Variants in SYN3 observed in about 807,000 individuals in gnomAD.
SYN3 encodes the protein synapsin-3.
A neutral mutation model predicts 65.8 loss-of-function variants in SYN3; 35 were observed. The ratio of observed to expected loss-of-function variants is 0.53; its 90% confidence interval spans 0.41 to 0.70. The LOEUF is 0.70. Among genes scored for constraint, SYN3 ranks in the 30% least tolerant of loss-of-function variants. The probability of loss-of-function intolerance (pLI) is 0.00; values close to 1 mark genes in which losing one functional copy is unlikely to be tolerated. For synonymous variants in SYN3, 270 were observed against 292.9 expected (o/e 0.92, Z 0.80); for missense variants, 680 against 749.0 (o/e 0.91, Z 1.08).
At chr22:32,629,255 A>G (rs2157168) in intron 6 of SYN3, among the ~76,000 whole-genome samples, 54,926 of 152,016 alleles carry the variant, frequency 0.36, 10,563 homozygotes, top group African/African-American at 0.48. Flanking sequence ...GCATAAATAT[A>G]CTAGGAGATT....
At chr22:32,788,060 T>A (rs527317469) in intron 6 of SYN3, among the ~76,000 whole-genome samples, 32 of 152,266 alleles carry the variant, frequency 2.1e-4, no homozygotes, top group African/African-American at 7.7e-4. Context: ...AGACTTCAAG[T>A]GCATTAGGGA....
intron 6 of SYN3, among the ~76,000 whole-genome samples, chr22:32,816,970 C>T (rs1425074018): frequency 6.6e-6 from 1 of 152,060 alleles, no homozygotes; most frequent in Admixed American, 6.5e-5. Flanking sequence ...CATATAACCC[C>T]ACCTTGGGAG....
chr22:32,963,553 T>TA (rs2051728135), intron 3 of SYN3, among the ~76,000 whole-genome samples: 2 of 152,252 alleles, frequency 1.3e-5, no homozygotes, highest in South Asian at 4.1e-4. Flanking sequence ...GTCAGATGCA[T>TA]AGATATTCAT....
intron 2 of SYN3, among the ~76,000 whole-genome samples, chr22:32,995,821 C>T (rs909717950): frequency 6.7e-6 from 1 of 149,728 alleles, no homozygotes; most frequent in Non-Finnish European, 1.5e-5. Context: ...CGCCACCACG[C>T]TCAGTTAATT....
chr22:32,817,812 A>C (rs1402178749), intron 6 of SYN3, among the ~76,000 whole-genome samples: 1 of 152,188 alleles, frequency 6.6e-6, no homozygotes, highest in Non-Finnish European at 1.5e-5. Flanking sequence ...TTGAAGGTCC[A>C]TGGGGCAGGC....
intron 3 of SYN3, among the ~76,000 whole-genome samples, chr22:32,950,264 C>G (rs950029564): frequency 6.6e-6 from 1 of 152,110 alleles, no homozygotes; most frequent in Non-Finnish European, 1.5e-5. Flanking sequence ...AACTTCAGAC[C>G]CCGTGGTCTG....
At chr22:32,695,242 A>G (rs971738830) in intron 6 of SYN3, among the ~76,000 whole-genome samples, 4 of 151,884 alleles carry the variant, frequency 2.6e-5, no homozygotes, top group Admixed American at 1.3e-4. Flanking sequence ...CTTTTCTTTC[A>G]TTAAAAAACT....
chr22:33,016,870 G>T (rs970497165), intron 1 of SYN3, among the ~76,000 whole-genome samples: 3 of 151,204 alleles, frequency 2.0e-5, no homozygotes, highest in African/African-American at 7.3e-5. Flanking sequence ...TTTATTCATT[G>T]CTTCTTTGCT....
chr22:32,827,664 A>G (rs553025609), intron 6 of SYN3, among the ~76,000 whole-genome samples: 1 of 152,322 alleles, frequency 6.6e-6, no homozygotes, highest in South Asian at 2.1e-4. Flanking sequence ...AAAAAATGTC[A>G]GTCACATCTC....
At chr22:32,937,919 A>T (rs996106665) in intron 3 of SYN3, among the ~76,000 whole-genome samples, 1 of 152,232 alleles carries the variant, frequency 6.6e-6, no homozygotes, top group African/African-American at 2.4e-5. Flanking sequence ...ATATATGAGT[A>T]ATTAAAGTCT....
chr22:32,600,553 G>A (rs1163999963), intron 6 of SYN3, among the ~76,000 whole-genome samples: 1 of 152,224 alleles, frequency 6.6e-6, no homozygotes, highest in East Asian at 1.9e-4. Context: ...TGGGTGGATG[G>A]ATAGAAGGCA....
Position 33,024,913 on chromosome 22 carries a change from G to A in SYN3, c.-162-18089C>T, listed in dbSNP as rs142439540. Among the ~76,000 whole-genome samples, 192 of 152,312 alleles carry A rather than the reference G, an allele frequency of 1.3e-3. 1 individual carries two copies. The highest frequency in any genetic ancestry group is 4.3e-3 in the African/African-American group (180 of 41,578). On this transcript the variant is annotated intron_variant, in intron 1 of 13. Coordinates refer to ENST00000358763, the MANE Select transcript of SYN3 (RefSeq NM_003490.4). ...AATTACTGCAGTCCTAAAGAATGTCGAGTGATTTATCAAAGCAGGAGATGC... is the reference window on the plus strand; with the variant it reads ...AATTACTGCAGTCCTAAAGAATGTCAAGTGATTTATCAAAGCAGGAGATGC...
In SYN3 at chr22:32,692,993, G is replaced by C. The variant is rs887235109; in HGVS notation, c.712-96257C>G. On this transcript the variant is annotated intron_variant, in intron 6 of 13. Transcript: ENST00000358763. ...AAATAAGCATACATAAGGACGGCTG[G>C]ATGTGCAGTAGCCCCCTTATCTGAG... Among the ~76,000 whole-genome samples, 11 of 152,224 alleles carry C rather than the reference G, an allele frequency of 7.2e-5. No homozygotes were observed. In the South Asian group the frequency reaches 1.5e-3, roughly 20 times the overall value.
chr22:32,533,676 C>T (rs911356958), intron 10 of SYN3, 117 bp downstream of exon 10: 20 of 656,600 alleles, frequency 3.0e-5, no homozygotes, highest in African/African-American at 1.1e-4. Flanking sequence ...GCCTGGGTTG[C>T]GTGTGCCCTG....
chr22:32,733,159 A>T (rs547723575), intron 6 of SYN3, among the ~76,000 whole-genome samples: 1 of 152,348 alleles, frequency 6.6e-6, no homozygotes, highest in Middle Eastern at 3.4e-3. Flanking sequence ...AGAGGCTCCC[A>T]GATTTTCAAC....
At chr22:32,948,783 T>G (rs968678985) in intron 3 of SYN3, among the ~76,000 whole-genome samples, 1 of 151,834 alleles carries the variant, frequency 6.6e-6, no homozygotes. Flanking sequence ...TTTGTGTTTT[T>G]TCTTCTTATT....
intron 6 of SYN3, 21 bp downstream of exon 6, chr22:32,864,894 A>C: frequency 6.2e-7 from 1 of 1,603,218 alleles, no homozygotes; most frequent in African/African-American, 1.3e-5. Flanking sequence ...GCAAAGAAAC[A>C]GAGTAAAAAA....
At chr22:32,638,954 A>G (rs549297441) in intron 6 of SYN3, among the ~76,000 whole-genome samples, 2 of 152,092 alleles carry the variant, frequency 1.3e-5, no homozygotes, top group South Asian at 4.2e-4. Flanking sequence ...GAGGTCTTAC[A>G]TTGAAATCTT....
At chr22:32,751,838 T>C (rs758375744) in intron 6 of SYN3, among the ~76,000 whole-genome samples, 9 of 152,176 alleles carry the variant, frequency 5.9e-5, no homozygotes, top group Non-Finnish European at 1.2e-4. Context: ...CTCAGACTGG[T>C]GAGGCCAGAG....
Sources: allele counts gnomAD v4.1 joint callset (sites outside exome capture counted in the v4.1 genomes callset), GRCh38; gene constraint gnomAD v4.1.1; transcripts MANE v1.5; gene names NCBI Gene and HGNC (gene_info 2026-07-23, HGNC 2026-07-21).